Variants in STAU1 observed in about 807,000 individuals in gnomAD.
The protein encoded by STAU1 is staufen double-stranded RNA binding protein 1.
Under a neutral mutation model 62.9 loss-of-function variants are expected in STAU1, and 13 were observed. The ratio of observed to expected loss-of-function variants is 0.21; its 90% CI spans 0.13 to 0.33. STAU1 has a LOEUF of 0.33. STAU1 is among the 10% of genes least tolerant of loss of function. STAU1 has a pLI of 1.00. For synonymous variants in STAU1, 269 were observed against 265.1 expected (o/e 1.01, Z -0.14); for missense variants, 571 against 712.1 (o/e 0.80, Z 2.25).
At chr20:49,218,859 T>C in the STAU1 span, among the ~76,000 whole-genome samples, 5 of 151,328 alleles carry the variant, frequency 3.3e-5, no homozygotes, top group African/African-American at 1.2e-4. Context: ...CTGGGCAACA[T>C]GGTGAAACTC....
At chr20:49,122,985 C>A in intron 8 of STAU1, 107 bp downstream of exon 8, 1 of 1,223,738 alleles carries the variant, frequency 8.2e-7, no homozygotes. Flanking sequence ...GAACATGGCC[C>A]ACAGGATCCA....
chr20:49,206,657 T>G, the STAU1 span, among the ~76,000 whole-genome samples: 2 of 145,276 alleles, frequency 1.4e-5, no homozygotes, highest in Non-Finnish European at 3.0e-5. Context: ...CCACCATGCC[T>G]GGCCAACATA....
chr20:49,131,824 CAG>C (rs926164185), intron 6 of STAU1, among the ~76,000 whole-genome samples: 4 of 138,380 alleles, frequency 2.9e-5, no homozygotes, highest in African/African-American at 1.1e-4. Context: ...GCCTGGGCAA[CAG>C]AGTTAGGCTC....
chr20:49,208,152 T>C, the STAU1 span, among the ~76,000 whole-genome samples: 4 of 152,232 alleles, frequency 2.6e-5, 1 homozygote, highest in East Asian at 7.7e-4. Flanking sequence ...CTCAGCTTCC[T>C]GGGTTCAAGC....
the STAU1 span, among the ~76,000 whole-genome samples, chr20:49,210,844 A>T: frequency 1.3e-5 from 2 of 152,214 alleles, no homozygotes; most frequent in Admixed American, 1.3e-4. Context: ...TTCACAGTGA[A>T]CAATTCAGTG....
the STAU1 span, among the ~76,000 whole-genome samples, chr20:49,194,443 AAAAAG>A: frequency 6.7e-6 from 1 of 149,032 alleles, no homozygotes; most frequent in East Asian, 1.9e-4. Context: ...AAAAAAAAAA[AAAAAG>A]AAAAGAAAAA....
At chr20:49,182,864 G>C (rs1024409714) in intron 1 of STAU1, among the ~76,000 whole-genome samples, 1 of 151,254 alleles carries the variant, frequency 6.6e-6, no homozygotes, top group African/African-American at 2.4e-5. Context: ...AATAGTAGAC[G>C]GTGTTCAGCA....
At chr20:49,188,335 A>C (rs901049915), upstream of STAU1, 6 of 151,462 alleles carry the variant, frequency 4.0e-5, no homozygotes, top group African/African-American at 1.5e-4. Flanking sequence ...AACGCTGAAG[A>C]GCCGCTCAGG....
chr20:49,196,003 C>T, the STAU1 span, among the ~76,000 whole-genome samples: 3 of 148,710 alleles, frequency 2.0e-5, no homozygotes, highest in East Asian at 5.9e-4. Flanking sequence ...CTTTGGGAGG[C>T]CGAGGCGGGT....
upstream of STAU1, among the ~76,000 whole-genome samples, chr20:49,193,284 C>G (rs370572928): frequency 1.1e-4 from 17 of 151,590 alleles, no homozygotes; most frequent in East Asian, 2.7e-3. Context: ...GGCTGAGGCA[C>G]GAGAATCGCT....
chr20:49,173,676 T>C (rs1042778276), intron 2 of STAU1, among the ~76,000 whole-genome samples: 1 of 152,222 alleles, frequency 6.6e-6, no homozygotes, highest in African/African-American at 2.4e-5. Context: ...ACCCACATAG[T>C]GTATTTTGCA....
At chr20:49,182,713 C>A (rs556185695) in intron 1 of STAU1, among the ~76,000 whole-genome samples, 20 of 152,112 alleles carry the variant, frequency 1.3e-4, no homozygotes, top group African/African-American at 4.8e-4. Flanking sequence ...GTGGCGGGCA[C>A]CTGTAGTCCC....
chr20:49,184,448 G>A (rs909099861), intron 1 of STAU1, among the ~76,000 whole-genome samples: 3 of 152,110 alleles, frequency 2.0e-5, no homozygotes, highest in African/African-American at 4.8e-5. Flanking sequence ...TGAACCTCAC[G>A]TGCACAGCTT....
chr20:49,215,932 C>G, the STAU1 span, among the ~76,000 whole-genome samples: 2 of 135,404 alleles, frequency 1.5e-5, no homozygotes, highest in East Asian at 2.2e-4. Context: ...CATTTGAACC[C>G]AGGAGGCAGA....
the STAU1 span, among the ~76,000 whole-genome samples, chr20:49,202,463 C>T: frequency 1.3e-5 from 2 of 151,622 alleles, no homozygotes; most frequent in Admixed American, 1.3e-4. Flanking sequence ...ACTGGGGAGG[C>T]TGAGGCAGGA....
At chr20:49,178,950 G>A (rs1344909768) in intron 1 of STAU1, among the ~76,000 whole-genome samples, 7 of 147,284 alleles carry the variant, frequency 4.8e-5, no homozygotes, top group Non-Finnish European at 7.5e-5. Flanking sequence ...GCATGGTGGC[G>A]GGCACCTGTA....
chr20:49,133,730 C>T (rs62210401), intron 6 of STAU1, among the ~76,000 whole-genome samples: 16,122 of 152,222 alleles, frequency 0.11, 1,004 homozygotes, highest in Non-Finnish European at 0.13. Context: ...CAGTGTAAAC[C>T]TGCTCTTACC....
the STAU1 span, among the ~76,000 whole-genome samples, chr20:49,213,379 G>A: frequency 7.2e-5 from 11 of 151,804 alleles, no homozygotes; most frequent in African/African-American, 2.7e-4. Flanking sequence ...TACAGGTGTG[G>A]GCCACCAACC....
At chr20:49,219,267 C>T in the STAU1 span, 14 of 1,381,272 alleles carry the variant, frequency 1.0e-5, no homozygotes, top group Middle Eastern at 1.3e-3. Context: ...TGGCGTCACA[C>T]GAAACCAACC....
Sources: gnomAD v4.1 joint callset for allele counts (sites outside exome capture counted in the v4.1 genomes callset) on GRCh38, gnomAD v4.1.1 for gene constraint, MANE v1.5 for transcripts, NCBI Gene and HGNC (gene_info 2026-07-23, HGNC 2026-07-21) for gene names.